The following NRXN3 variants were observed in gnomAD, a reference collection of about 807,000 sequenced individuals.
NRXN3 encodes the protein neurexin 3, also known as neurexin III.
NRXN3 carries 32 observed loss-of-function variants against 137.6 expected under a neutral mutation model. The observed-to-expected ratio is 0.23, with a 90% CI of 0.18 to 0.31. NRXN3 has a LOEUF of 0.31. Among genes scored for constraint, NRXN3 ranks in the 10% least tolerant of loss-of-function variants. The pLI, the probability that NRXN3 is intolerant of heterozygous loss-of-function variation, is 1.00. For missense variants in NRXN3, 1,574 were observed against 2,062.5 expected, an observed-to-expected ratio of 0.76 and a Z score of 4.59; for synonymous variants, 798 against 784.5, an observed-to-expected ratio of 1.02 and a Z score of -0.29.
intron 15 of NRXN3, among the ~76,000 whole-genome samples, chr14:79,093,903 T>C (rs1290864883): frequency 6.6e-6 from 1 of 152,080 alleles, no homozygotes; most frequent in Non-Finnish European, 1.5e-5. Flanking sequence ...TGATTTTTTT[T>C]TTCTTTTTTC....
intron 19 of NRXN3, among the ~76,000 whole-genome samples, chr14:79,722,685 A>G (rs1489722443): frequency 6.6e-6 from 1 of 152,128 alleles, no homozygotes; most frequent in Admixed American, 6.6e-5. Context: ...GGAGCTTATC[A>G]TTATCCTGCT....
intron 16 of NRXN3, among the ~76,000 whole-genome samples, chr14:79,496,923 A>C (rs939966426): frequency 6.6e-6 from 1 of 152,198 alleles, no homozygotes; most frequent in Non-Finnish European, 1.5e-5. Context: ...AGCCTTTGCC[A>C]GATGCTAAAC....
intron 15 of NRXN3, among the ~76,000 whole-genome samples, chr14:79,179,340 A>T (rs1389903596): frequency 6.6e-6 from 1 of 152,108 alleles, no homozygotes; most frequent in Non-Finnish European, 1.5e-5. Context: ...TAGTGGAACC[A>T]TTTCACTTCT....
chr14:79,315,519 C>G (rs912587855), intron 15 of NRXN3, among the ~76,000 whole-genome samples: 1 of 152,152 alleles, frequency 6.6e-6, no homozygotes, highest in African/African-American at 2.4e-5. Flanking sequence ...CAAAGCTCAC[C>G]AGGAGAAAAG....
intron 20 of NRXN3, among the ~76,000 whole-genome samples, chr14:79,844,675 AC>A (rs1305267065): frequency 6.6e-6 from 1 of 152,166 alleles, no homozygotes; most frequent in African/African-American, 2.4e-5. Context: ...GCTGTAAACA[AC>A]TGTCATCTAG....
intron 4 of NRXN3, among the ~76,000 whole-genome samples, chr14:78,541,115 G>A (rs1465641464): frequency 6.6e-6 from 1 of 152,128 alleles, no homozygotes; most frequent in Admixed American, 6.5e-5. Context: ...TCTTCTTGAG[G>A]AGTATCTTTG....
At chr14:78,540,459 C>G (rs1600160259) in intron 4 of NRXN3, among the ~76,000 whole-genome samples, 1 of 90,340 alleles carries the variant, frequency 1.1e-5, no homozygotes, top group Admixed American at 1.3e-4. Context: ...TTTTGCTTTC[C>G]ATTTGCTTGG....
At chr14:79,073,384 C>G (rs2099690868) in intron 15 of NRXN3, among the ~76,000 whole-genome samples, 1 of 152,076 alleles carries the variant, frequency 6.6e-6, no homozygotes, top group African/African-American at 2.4e-5. Context: ...TAGGAACTTG[C>G]TCCAGATTAG....
chr14:79,162,174 G>A (rs1292563518), intron 15 of NRXN3, among the ~76,000 whole-genome samples: 1 of 150,078 alleles, frequency 6.7e-6, no homozygotes, highest in Non-Finnish European at 1.5e-5. Flanking sequence ...TAAGTTTTAG[G>A]GTACATGTGC....
intron 8 of NRXN3, among the ~76,000 whole-genome samples, chr14:78,723,612 G>A (rs114707410): frequency 0.01 from 1,539 of 152,244 alleles, 26 homozygotes; most frequent in African/African-American, 0.033. Flanking sequence ...CTGTGCCTCC[G>A]TTTCAATATT....
intron 1 of NRXN3, among the ~76,000 whole-genome samples, chr14:78,231,782 T>C (rs2065440095): frequency 6.6e-6 from 1 of 152,246 alleles, no homozygotes; most frequent in Non-Finnish European, 1.5e-5. Context: ...ACGTGTACCA[T>C]ACTTGGCATA....
At chr14:78,660,194 A>C (rs906902046) in intron 6 of NRXN3, among the ~76,000 whole-genome samples, 1 of 151,620 alleles carries the variant, frequency 6.6e-6, no homozygotes, top group African/African-American at 2.4e-5. Context: ...TGCCACAATA[A>C]AATTACTAAA....
chr14:79,097,346 C>G lies in NRXN3; in HGVS notation c.3262+109205C>G, dbSNP rs565114509. On this transcript the variant is annotated intron_variant, in intron 15 of 20. Coordinates refer to ENST00000335750, the MANE Select transcript of NRXN3 (RefSeq NM_001330195.2). ...GCGGCTGCTAATATCTAAAAATGCG[C>G]TGGCTCTGTAGCTTGGAAGAAAAAG... Among the ~76,000 whole-genome samples the G allele has an allele frequency of 2.6e-5, 4 of 152,284 alleles. No individual in the cohort carries two copies. In the East Asian group the frequency reaches 7.7e-4, roughly 29 times the overall value.
At chr14:78,295,697 T>G (rs2076242880) in intron 3 of NRXN3, among the ~76,000 whole-genome samples, 1 of 152,162 alleles carries the variant, frequency 6.6e-6, no homozygotes, top group Non-Finnish European at 1.5e-5. Flanking sequence ...CATTAGGTCT[T>G]GGTTCGTGAA....
chr14:78,520,960 G>A (rs2096275991), intron 4 of NRXN3, among the ~76,000 whole-genome samples: 1 of 152,064 alleles, frequency 6.6e-6, no homozygotes, highest in African/African-American at 2.4e-5. Flanking sequence ...CTGTCAGTAG[G>A]GCTTTCTCCC....
intron 15 of NRXN3, among the ~76,000 whole-genome samples, chr14:79,073,180 C>A (rs1031488810): frequency 6.6e-6 from 1 of 152,154 alleles, no homozygotes; most frequent in Non-Finnish European, 1.5e-5. Flanking sequence ...AGCCACCGCG[C>A]CCGGCCCGTC....
chr14:78,377,840 G>A (rs1025536337), intron 4 of NRXN3, among the ~76,000 whole-genome samples: 2 of 152,130 alleles, frequency 1.3e-5, no homozygotes, highest in Admixed American at 1.3e-4. Flanking sequence ...GGGAGTTAGA[G>A]CTTCAACATA....
intron 15 of NRXN3, among the ~76,000 whole-genome samples, chr14:79,399,555 T>TGG (rs1030553151): frequency 1.3e-5 from 2 of 152,054 alleles, no homozygotes; most frequent in Non-Finnish European, 2.9e-5. Flanking sequence ...AACGGCATGG[T>TGG]GGGGAACAAG....
chr14:78,869,343 T>G (rs2099095721), intron 10 of NRXN3, among the ~76,000 whole-genome samples: 1 of 152,186 alleles, frequency 6.6e-6, no homozygotes, highest in African/African-American at 2.4e-5. Context: ...TATTCGCTAT[T>G]TCTATTTCCA....
Sources: allele counts gnomAD v4.1 joint callset (sites outside exome capture counted in the v4.1 genomes callset), GRCh38; gene constraint gnomAD v4.1.1; transcripts MANE v1.5; gene names NCBI Gene and HGNC (gene_info 2026-07-23, HGNC 2026-07-21).